Variants in CCDC7 observed in about 807,000 individuals in gnomAD.
CCDC7 encodes the protein coiled-coil domain-containing protein 7.
Under a neutral mutation model 196.9 loss-of-function variants are expected in CCDC7, and 183 were observed. That is an observed-to-expected ratio of 0.93 (90% CI 0.82 to 1.05). The LOEUF is 1.05. Among genes scored for constraint, CCDC7 ranks in the 50% least tolerant of loss-of-function variants. The probability of loss-of-function intolerance (pLI) is 0.00; values close to 1 mark genes in which losing one functional copy is unlikely to be tolerated. For synonymous variants in CCDC7, 525 were observed against 484.6 expected (o/e 1.08, Z -1.10); for missense variants, 1,540 against 1,482.2 (o/e 1.04, Z -0.64).
chr10:32,511,461 TA>T (rs2046191769), intron 9 of CCDC7: 2 of 1,607,110 alleles, frequency 1.2e-6, no homozygotes, highest in Non-Finnish European at 1.7e-6. Flanking sequence ...ACTCTGTTCA[TA>T]TATACTCTGA....
intron 3 of CCDC7, among the ~76,000 whole-genome samples, chr10:32,458,924 G>A (rs918621606): frequency 6.6e-6 from 1 of 151,922 alleles, no homozygotes; most frequent in African/African-American, 2.4e-5. Flanking sequence ...CACAAACATA[G>A]GATGTCTTTT....
At chr10:32,723,431 C>G (rs531418627) in intron 25 of CCDC7, among the ~76,000 whole-genome samples, 3 of 152,096 alleles carry the variant, frequency 2.0e-5, no homozygotes, top group Non-Finnish European at 4.4e-5. Flanking sequence ...ACCTAAAAAA[C>G]TGAGTCTTGT....
At chr10:32,874,227 T>C (rs1246589538) in intron 41 of CCDC7, among the ~76,000 whole-genome samples, 1 of 149,772 alleles carries the variant, frequency 6.7e-6, no homozygotes, top group Non-Finnish European at 1.5e-5. Flanking sequence ...TAATATAAAA[T>C]GTATATTTAT....
chr10:32,552,688 C>T (rs955274656), intron 13 of CCDC7, among the ~76,000 whole-genome samples: 3 of 152,078 alleles, frequency 2.0e-5, no homozygotes, highest in Non-Finnish European at 4.4e-5. Flanking sequence ...TGCTTAGTTT[C>T]GCTAGATACA....
chr10:32,574,455 T>C (rs780590421), intron 16 of CCDC7: 181 of 1,594,270 alleles, frequency 1.1e-4, no homozygotes, highest in Non-Finnish European at 1.5e-4. Context: ...TGAAATACTT[T>C]GGAAAAGTCT....
chr10:32,870,462 A>G (rs371651319), intron 41 of CCDC7, among the ~76,000 whole-genome samples: 2 of 152,124 alleles, frequency 1.3e-5, no homozygotes, highest in African/African-American at 4.8e-5. Flanking sequence ...CTGAGACTTT[A>G]CTGAAGTTGC....
intron 28 of CCDC7, among the ~76,000 whole-genome samples, chr10:32,738,367 T>G (rs970766240): frequency 3.9e-5 from 6 of 152,148 alleles, no homozygotes; most frequent in Non-Finnish European, 7.4e-5. Flanking sequence ...TTTATTTCAC[T>G]TATATATAAG....
At chr10:32,477,262 G>A (rs1312072226) in intron 8 of CCDC7, among the ~76,000 whole-genome samples, 1 of 150,744 alleles carries the variant, frequency 6.6e-6, no homozygotes, top group Non-Finnish European at 1.5e-5. Flanking sequence ...GGAGTACAAT[G>A]GTGCAATCTC....
At chr10:32,686,129 A>G in intron 22 of CCDC7, 49 bp downstream of exon 23, 2 of 951,856 alleles carry the variant, frequency 2.1e-6, no homozygotes, top group Non-Finnish European at 3.1e-6. Flanking sequence ...AATTAGTCAC[A>G]GCAAAGGTAT....
intron 28 of CCDC7, 111 bp from the exon 30 acceptor site, chr10:32,778,866 G>A (rs2080557634): frequency 1.1e-5 from 8 of 705,722 alleles, no homozygotes; most frequent in Non-Finnish European, 1.9e-5. Context: ...CAGTGTTTTT[G>A]CAGTTCTCGT....
intron 39 of CCDC7, among the ~76,000 whole-genome samples, chr10:32,851,187 T>G (rs957826232): frequency 6.6e-6 from 1 of 152,184 alleles, no homozygotes; most frequent in African/African-American, 2.4e-5. Flanking sequence ...TGATTCTTCT[T>G]TTATGATGTA....
intron 28 of CCDC7, among the ~76,000 whole-genome samples, chr10:32,756,000 G>C (rs2076379876): frequency 6.6e-6 from 1 of 151,984 alleles, no homozygotes. Flanking sequence ...TGGAAGAAAG[G>C]GTATCAGTGA....
intron 20 of CCDC7, among the ~76,000 whole-genome samples, chr10:32,643,713 A>G (rs1293875831): frequency 6.6e-6 from 1 of 151,954 alleles, no homozygotes; most frequent in Admixed American, 6.6e-5. Context: ...ATTGACTTTC[A>G]ACTTTTTAAG....
intron 18 of CCDC7, among the ~76,000 whole-genome samples, chr10:32,589,921 C>T (rs934241868): frequency 6.6e-6 from 1 of 151,796 alleles, no homozygotes; most frequent in Non-Finnish European, 1.5e-5. Flanking sequence ...TTTTTTCATC[C>T]CTATGCTTTC....
intron 13 of CCDC7, among the ~76,000 whole-genome samples, chr10:32,564,381 G>A (rs1307852321): frequency 6.6e-6 from 1 of 152,146 alleles, no homozygotes; most frequent in Non-Finnish European, 1.5e-5. Context: ...ATTCACAATA[G>A]CAGAGACTTG....
At chr10:32,507,978 C>G (rs2045474463) in intron 9 of CCDC7, among the ~76,000 whole-genome samples, 1 of 152,212 alleles carries the variant, frequency 6.6e-6, no homozygotes, top group African/African-American at 2.4e-5. Context: ...AGGATGCCTA[C>G]TCTTACCAAT....
At chr10:32,827,759 G>C (rs192463636) in intron 32 of CCDC7, among the ~76,000 whole-genome samples, 2 of 152,062 alleles carry the variant, frequency 1.3e-5, no homozygotes, top group Non-Finnish European at 2.9e-5. Context: ...AAACCTGCAC[G>C]TTGTGCACAT....
At chr10:32,804,867 T>C in intron 29 of CCDC7, 148 bp from the exon 31 acceptor site, 1 of 580,046 alleles carries the variant, frequency 1.7e-6, no homozygotes, top group Non-Finnish European at 3.1e-6. Context: ...TGTTTAGTGA[T>C]TTGGCAATTC....
At chr10:32,869,228 CT>C (rs1447419838) in intron 41 of CCDC7, among the ~76,000 whole-genome samples, 1 of 152,150 alleles carries the variant, frequency 6.6e-6, no homozygotes, top group Non-Finnish European at 1.5e-5. Flanking sequence ...TCTCCAGCAC[CT>C]GTTGTTTCCT....
Sources: allele counts gnomAD v4.1 joint callset (sites outside exome capture counted in the v4.1 genomes callset), GRCh38; gene constraint gnomAD v4.1.1; transcripts MANE v1.5; gene names NCBI Gene and HGNC (gene_info 2026-07-23, HGNC 2026-07-21).